ULK4: variants seen among roughly 807,000 people sequenced by gnomAD.
The protein encoded by ULK4 is unc-51 like kinase 4.
A neutral mutation model predicts 160.6 loss-of-function variants in ULK4; 133 were observed. The ratio of observed to expected loss-of-function variants is 0.83; its 90% CI spans 0.72 to 0.96. The LOEUF (loss-of-function observed/expected upper bound fraction) is 0.96. Among genes scored for constraint, ULK4 ranks in the 40% least tolerant of loss-of-function variants. The pLI is 0.00. For missense variants in ULK4, 1,580 were observed against 1,499.5 expected (o/e 1.05, Z -0.89); for synonymous variants, 534 against 539.8 (o/e 0.99, Z 0.15).
intron 21 of ULK4, among the ~76,000 whole-genome samples, chr3:41,767,438 C>T (rs1275648185): frequency 6.6e-6 from 1 of 152,054 alleles, no homozygotes; most frequent in South Asian, 2.1e-4. Context: ...CTTCTACTTC[C>T]CAATTTTTGT....
intron 35 of ULK4, among the ~76,000 whole-genome samples, chr3:41,350,303 T>C (rs374623745): frequency 2.6e-5 from 4 of 152,320 alleles, no homozygotes; most frequent in African/African-American, 7.2e-5. Context: ...ACAAAAGTTA[T>C]GGATCTCTTC....
intron 27 of ULK4, among the ~76,000 whole-genome samples, chr3:41,699,167 C>T (rs994960782): frequency 6.6e-6 from 1 of 152,002 alleles, no homozygotes; most frequent in Non-Finnish European, 1.5e-5. Flanking sequence ...TAGCTACTGC[C>T]CAATAGTTTT....
rs183698518 is a variant in ULK4 at position 41,592,570 on chromosome 3, A to T, written c.3120+23099T>A. On this transcript the variant is annotated intron_variant, in intron 31 of 36. Transcript: ENST00000301831. ...CTCAATAACCTATGGAAATAAAAAAATTTTTTTAAATAACAATAAAAATAA... is the reference window on the plus strand; with the variant it reads ...CTCAATAACCTATGGAAATAAAAAATTTTTTTTAAATAACAATAAAAATAA... Among the ~76,000 whole-genome samples the T allele has an allele frequency of 1.2e-3, 176 of 152,314 alleles. 9 individuals carry two copies. The South Asian group carries it at 0.033, about 29-fold the overall frequency.
intron 35 of ULK4, among the ~76,000 whole-genome samples, chr3:41,285,660 G>A (rs772962942): frequency 5.9e-5 from 9 of 152,252 alleles, no homozygotes; most frequent in Middle Eastern, 3.4e-3. Context: ...AGTGATGGGT[G>A]CACCAAACTG....
chr3:41,462,496 T>A (rs7620599), intron 33 of ULK4, among the ~76,000 whole-genome samples: 13 of 151,982 alleles, frequency 8.6e-5, no homozygotes, highest in East Asian at 7.7e-4. Context: ...CCTTCCTGCC[T>A]TACAGCATAA....
At chr3:41,691,998 C>T (rs571313289) in intron 27 of ULK4, among the ~76,000 whole-genome samples, 7 of 130,802 alleles carry the variant, frequency 5.4e-5, no homozygotes, top group Non-Finnish European at 1.1e-4. Context: ...TTCACCCAGG[C>T]TGGAGTGCAG....
intron 21 of ULK4, among the ~76,000 whole-genome samples, chr3:41,764,930 G>A (rs1485961045): frequency 6.6e-6 from 1 of 152,212 alleles, no homozygotes; most frequent in African/African-American, 2.4e-5. Flanking sequence ...AGGATGTGGA[G>A]AAATAGGAAC....
intron 32 of ULK4, among the ~76,000 whole-genome samples, chr3:41,538,423 T>C (rs1412713009): frequency 1.3e-5 from 2 of 152,178 alleles, no homozygotes; most frequent in Non-Finnish European, 2.9e-5. Flanking sequence ...GCTGCAAACT[T>C]CAATCTACAA....
intron 21 of ULK4, among the ~76,000 whole-genome samples, chr3:41,778,029 G>A (rs1287720887): frequency 2.3e-5 from 3 of 129,092 alleles, no homozygotes; most frequent in East Asian, 2.0e-4. Context: ...ATTAGGAAAA[G>A]AGGAAGTCAA....
At chr3:41,881,139 G>A (rs542221753) in intron 17 of ULK4, among the ~76,000 whole-genome samples, 6 of 152,090 alleles carry the variant, frequency 3.9e-5, no homozygotes, top group African/African-American at 1.2e-4. Flanking sequence ...TTCACTCCAC[G>A]GGGTTCCCAG....
At chr3:41,293,074 A>C (rs2079602627) in intron 35 of ULK4, among the ~76,000 whole-genome samples, 2 of 152,190 alleles carry the variant, frequency 1.3e-5, no homozygotes, top group Admixed American at 1.3e-4. Flanking sequence ...GTGAGTTAGG[A>C]TCATGTCACT....
At chr3:41,849,971 C>T (rs1205249572) in intron 17 of ULK4, among the ~76,000 whole-genome samples, 3 of 152,092 alleles carry the variant, frequency 2.0e-5, no homozygotes, top group East Asian at 1.9e-4. Flanking sequence ...CTCCCCGCAC[C>T]CCACAACAGG....
rs77523498 is a variant in ULK4 at position 41,384,587 on chromosome 3, A to G, written c.3678+13492T>C. On this transcript the variant is annotated intron_variant, in intron 35 of 36. Transcript: ENST00000301831. Reference sequence around the variant, plus strand: ...GTGGTATGGCTTGTAGAGTCTGTCTATATAAATTTTTTTTCGAGACAGAGT... The same window carrying G: ...GTGGTATGGCTTGTAGAGTCTGTCTGTATAAATTTTTTTTCGAGACAGAGT... Among the ~76,000 whole-genome samples the G allele has an allele frequency of 6.7e-3, 1,018 of 152,104 alleles. 4 individuals are homozygous for G. Among genetic ancestry groups the G allele is most frequent in the East Asian group, 0.015 (78 of 5,168 alleles).
chr3:41,546,777 A>G (rs2086878039), intron 32 of ULK4, among the ~76,000 whole-genome samples: 1 of 151,180 alleles, frequency 6.6e-6, no homozygotes, highest in Non-Finnish European at 1.5e-5. Flanking sequence ...TAAAAAAAAA[A>G]AAAAAAAAAA....
chr3:41,827,630 C>T (rs2041408871), intron 18 of ULK4, among the ~76,000 whole-genome samples: 1 of 152,134 alleles, frequency 6.6e-6, no homozygotes, highest in African/African-American at 2.4e-5. Context: ...AGACCAATAA[C>T]AGGATCTGAA....
At chr3:41,899,425 C>G (rs561901617) in intron 13 of ULK4, among the ~76,000 whole-genome samples, 1 of 152,168 alleles carries the variant, frequency 6.6e-6, no homozygotes, top group East Asian at 1.9e-4. Context: ...AAAATTTCTA[C>G]TGATTAAGGC....
chr3:41,847,312 A>G (rs2042093400), intron 17 of ULK4, among the ~76,000 whole-genome samples: 1 of 152,232 alleles, frequency 6.6e-6, no homozygotes, highest in African/African-American at 2.4e-5. Flanking sequence ...ATACTTGCAA[A>G]GACATAATTT....
intron 35 of ULK4, among the ~76,000 whole-genome samples, chr3:41,323,434 ACAC>A (rs2080284167): frequency 6.6e-6 from 1 of 150,776 alleles, no homozygotes; most frequent in Non-Finnish European, 1.5e-5. Flanking sequence ...ACACACACAC[ACAC>A]ACCAAAAACC....
At chr3:41,510,556 T>G (rs1230828956) in intron 32 of ULK4, among the ~76,000 whole-genome samples, 1 of 152,124 alleles carries the variant, frequency 6.6e-6, no homozygotes, top group East Asian at 1.9e-4. Context: ...CATGGAACAT[T>G]CTCCAAGATG....
Sources: allele counts gnomAD v4.1 joint callset (sites outside exome capture counted in the v4.1 genomes callset), GRCh38; gene constraint gnomAD v4.1.1; transcripts MANE v1.5; gene names NCBI Gene and HGNC (gene_info 2026-07-23, HGNC 2026-07-21).